The following ARSG variants were observed in gnomAD, a reference collection of about 807,000 sequenced individuals.
ARSG encodes the protein ASG.
In ARSG, 37 loss-of-function variants were observed where a neutral mutation model predicts 50.5. The ratio of observed to expected loss-of-function variants is 0.73; its 90% confidence interval spans 0.56 to 0.96. The LOEUF (loss-of-function observed/expected upper bound fraction) is 0.96, where lower values mean the gene tolerates loss of function less well. Ranked by LOEUF, ARSG falls within the 50% of genes least tolerant of loss-of-function variation. ARSG has a pLI of 0.00. For synonymous variants in ARSG, 225 were observed against 254.6 expected (o/e 0.88, Z 1.11); for missense variants, 629 against 675.3 (o/e 0.93, Z 0.76).
At chr17:68,273,865 C>T in intron 1 of ARSG, 2 of 1,563,462 alleles carry the variant, frequency 1.3e-6, no homozygotes, top group Non-Finnish European at 1.7e-6. Flanking sequence ...TTTCCTCCTT[C>T]CCCTTCCTTG....
intron 10 of ARSG, among the ~76,000 whole-genome samples, 166 bp downstream of exon 10, chr17:68,395,359 G>A (rs978313525): frequency 3.9e-5 from 6 of 152,194 alleles, no homozygotes; most frequent in Admixed American, 6.5e-5. Context: ...AGACCAAGGC[G>A]GGCTGATCAC....
At chr17:68,318,697 C>T (rs1340633651) in intron 2 of ARSG, among the ~76,000 whole-genome samples, 2 of 152,196 alleles carry the variant, frequency 1.3e-5, no homozygotes, top group African/African-American at 2.4e-5. Flanking sequence ...GCCTTGATCT[C>T]ATTTCTTCTC....
intron 1 of ARSG, among the ~76,000 whole-genome samples, chr17:68,304,819 A>G (rs1555763389): frequency 6.6e-6 from 1 of 152,228 alleles, no homozygotes; most frequent in African/African-American, 2.4e-5. Context: ...AATGAACCAC[A>G]ATGCCCAGCC....
intron 8 of ARSG, among the ~76,000 whole-genome samples, chr17:68,375,226 A>G (rs8069680): frequency 0.021 from 3,218 of 152,332 alleles, 113 homozygotes; most frequent in African/African-American, 0.071. Context: ...TCCAGGGACC[A>G]AACTTTGAGA....
intron 9 of ARSG, 38 bp from the exon 10 acceptor site, chr17:68,395,035 G>A (rs541357600): frequency 1.2e-6 from 2 of 1,611,384 alleles, no homozygotes; most frequent in East Asian, 4.5e-5. Flanking sequence ...GAGCGAGTCA[G>A]AAGAGCTGGG....
At chr17:68,371,483 C>T (rs962817896) in intron 8 of ARSG, among the ~76,000 whole-genome samples, 13 of 152,308 alleles carry the variant, frequency 8.5e-5, no homozygotes, top group African/African-American at 2.2e-4. Flanking sequence ...TCTATTTCAA[C>T]ATCTTCCAAC....
In ARSG at chr17:68,273,223, T is replaced by A. The variant is rs79998154; in HGVS notation, c.-552+13797T>A. Among the ~76,000 whole-genome samples the A allele has an allele frequency of 4.6e-5, 7 of 151,600 alleles. No individual in the cohort carries two copies. The East Asian group carries it at 1.4e-3, about 29-fold the overall frequency. On this transcript the variant is annotated intron_variant, in intron 1 of 11. Coordinates refer to the ARSG transcript ENST00000448504. ...ATTGTTCATTTCATTTTTTTTTTTT[T>A]AAACAGACAGGGTCTCACTCTGTTG... is the stretch of plus-strand genomic sequence containing the variant.
At chr17:68,426,252 G>GGGGGGGTGGT, downstream of ARSG, 1 of 828,188 alleles carries the variant, frequency 1.2e-6, no homozygotes, top group Non-Finnish European at 1.9e-6. Context: ...TGGGGAGCGG[G>GGGGGGGTGGT]GGCTCAAATA....
chr17:68,425,364 C>A (rs1054487739), downstream of ARSG, among the ~76,000 whole-genome samples: 1 of 148,592 alleles, frequency 6.7e-6, no homozygotes, highest in East Asian at 2.0e-4. Flanking sequence ...ACACCACACC[C>A]GGCTAATTTT....
the ARSG span, among the ~76,000 whole-genome samples, chr17:68,437,201 T>C: frequency 6.6e-6 from 1 of 152,142 alleles, no homozygotes; most frequent in African/African-American, 2.4e-5. Flanking sequence ...GATGATTATA[T>C]ACTGTTGGCC....
chr17:68,372,981 T>C (rs1301263490), intron 8 of ARSG, among the ~76,000 whole-genome samples: 2 of 145,586 alleles, frequency 1.4e-5, no homozygotes, highest in East Asian at 4.4e-4. Context: ...AGCCTCCACT[T>C]CCTGGGCTCA....
Position 68,366,063 on chromosome 17 carries a change from G to A in ARSG, c.705-2485G>A, listed in dbSNP as rs574407660. ...GTGGTTCTCCCTGCCTCAGCCTCCC[G>A]AGTAGCTGGGATTACAGGCACCTGC... On this transcript the variant is annotated intron_variant, in intron 6 of 11. Coordinates refer to ENST00000621439, the MANE Select transcript of ARSG (RefSeq NM_001267727.2). Among the ~76,000 whole-genome samples, 348 of 151,860 alleles carry A rather than the reference G, an allele frequency of 2.3e-3. 1 individual carries two copies. The highest frequency in any genetic ancestry group is 3.5e-3 in the Non-Finnish European group (238 of 67,952).
intron 11 of ARSG, among the ~76,000 whole-genome samples, chr17:68,402,518 T>TTATTTG (rs1555792039): frequency 3.4e-5 from 5 of 146,890 alleles, no homozygotes; most frequent in African/African-American, 5.1e-5. Flanking sequence ...CCTGTACTAG[T>TTATTTG]TTTTTGTTTT....
intron 1 of ARSG, among the ~76,000 whole-genome samples, chr17:68,276,711 C>A (rs1409871765): frequency 6.6e-6 from 1 of 152,130 alleles, no homozygotes; most frequent in African/African-American, 2.4e-5. Context: ...ATCTTGGCCT[C>A]CCAGAGTGCT....
At chr17:68,370,219 C>T (rs1279769650) in intron 7 of ARSG, among the ~76,000 whole-genome samples, 4 of 151,904 alleles carry the variant, frequency 2.6e-5, no homozygotes, top group Non-Finnish European at 4.4e-5. Context: ...TTCACCATGT[C>T]GGCCAGGCTG....
chr17:68,318,216 T>C (rs2077147333), intron 2 of ARSG, among the ~76,000 whole-genome samples: 1 of 152,214 alleles, frequency 6.6e-6, no homozygotes, highest in African/African-American at 2.4e-5. Flanking sequence ...TGCATTCTGT[T>C]GGCATCATTT....
At chr17:68,430,088 A>AG in the ARSG span, 1 of 1,614,162 alleles carries the variant, frequency 6.2e-7, no homozygotes, top group East Asian at 2.2e-5. Context: ...ACACCTGGGT[A>AG]GGGAGGTAGT....
Position 68,395,082 on chromosome 17 carries a change from C to T in ARSG, c.1101C>T (p.Asp367=). 2 of 1,614,022 alleles carry T rather than the reference C, an allele frequency of 1.2e-6. No individual in the cohort carries two copies. Among genetic ancestry groups the T allele is most frequent in the Non-Finnish European group, 1.7e-6 (2 of 1,179,914 alleles). ...CTTGTTATTTCCGCAGCGTGCTGGA[C>T]ATTTTTCCAACTGTGGTAGCCCTGG... ...VTSTALLSVL[D]IFPTVVALAQ... is the part of the protein sequence containing the mutation. The change falls in exon 10 of 12, where the codon GAC becomes GAT. Residue 367 remains aspartate, a synonymous_variant. Transcript: ENST00000621439.
At chr17:68,397,693 T>C (rs1226298145) in intron 10 of ARSG, among the ~76,000 whole-genome samples, 1 of 152,254 alleles carries the variant, frequency 6.6e-6, no homozygotes, top group Non-Finnish European at 1.5e-5. Flanking sequence ...TGCATACGTC[T>C]ATACATGTGT....
Sources: gnomAD v4.1 joint callset for allele counts (sites outside exome capture counted in the v4.1 genomes callset) on GRCh38, gnomAD v4.1.1 for gene constraint, MANE v1.5 for transcripts, NCBI Gene and HGNC (gene_info 2026-07-23, HGNC 2026-07-21) for gene names.